The following EYS variants were observed in gnomAD, a reference collection of about 807,000 sequenced individuals.
EYS encodes EGF-like photoreceptor maintenance factor, also known as protein eyes shut homolog.
A neutral mutation model predicts 282.1 loss-of-function variants in EYS; 250 were observed. That is an observed-to-expected ratio of 0.89 (90% confidence interval 0.80 to 0.98). EYS has a LOEUF of 0.98. Among genes scored for constraint, EYS ranks in the 50% least tolerant of loss-of-function variants. The pLI, the probability that EYS is intolerant of heterozygous loss-of-function variation, is 0.00. For synonymous variants in EYS, 1,355 were observed against 1,282.9 expected, an observed-to-expected ratio of 1.06 and a Z score of -1.20; for missense variants, 4,016 against 3,709.0, an observed-to-expected ratio of 1.08 and a Z score of -2.15.
chr6:64,952,644 A>C (rs1769551663), intron 14 of EYS, among the ~76,000 whole-genome samples: 1 of 152,036 alleles, frequency 6.6e-6, no homozygotes, highest in African/African-American at 2.4e-5. Flanking sequence ...GCAAATGTCA[A>C]AACAAGTGCC....
At chr6:65,315,993 G>C (rs1053143512) in intron 11 of EYS, among the ~76,000 whole-genome samples, 7 of 151,948 alleles carry the variant, frequency 4.6e-5, no homozygotes, top group Non-Finnish European at 1.0e-4. Flanking sequence ...GTTTTAATTT[G>C]CATTTCTCTG....
intron 13 of EYS, among the ~76,000 whole-genome samples, chr6:65,052,107 G>T (rs1773287835): frequency 1.3e-5 from 2 of 151,360 alleles, no homozygotes; most frequent in Admixed American, 1.3e-4. Flanking sequence ...TTGGGTAAGG[G>T]TTGCCTTATT....
At chr6:65,470,224 T>G (rs1292882269) in intron 5 of EYS, among the ~76,000 whole-genome samples, 1 of 152,140 alleles carries the variant, frequency 6.6e-6, no homozygotes, top group Non-Finnish European at 1.5e-5. Context: ...AGGTATAGAC[T>G]TAAGAAATTT....
chr6:64,823,082 T>C (rs1332900793), intron 19 of EYS, among the ~76,000 whole-genome samples: 3 of 151,940 alleles, frequency 2.0e-5, no homozygotes, highest in Non-Finnish European at 4.4e-5. Context: ...GTGATGTTTG[T>C]TGAGAATATT....
chr6:65,179,739 C>A (rs1223232069), intron 12 of EYS, among the ~76,000 whole-genome samples: 1 of 151,968 alleles, frequency 6.6e-6, no homozygotes, highest in Non-Finnish European at 1.5e-5. Context: ...CAAAGCCTGG[C>A]AGAGACACAA....
At chr6:65,607,873 A>G (rs1286100387) in intron 2 of EYS, among the ~76,000 whole-genome samples, 1 of 152,008 alleles carries the variant, frequency 6.6e-6, no homozygotes, top group Non-Finnish European at 1.5e-5. Context: ...TTATGTGTCA[A>G]TCTCTGCAGA....
At chr6:64,546,647 C>T (rs1485517282) in intron 26 of EYS, among the ~76,000 whole-genome samples, 11 of 152,204 alleles carry the variant, frequency 7.2e-5, no homozygotes, top group Admixed American at 2.0e-4. Context: ...ATATCCAGAA[C>T]CTACAATGAA....
chr6:64,677,627 T>C (rs1448015902), intron 22 of EYS, among the ~76,000 whole-genome samples: 3 of 152,190 alleles, frequency 2.0e-5, no homozygotes, highest in Admixed American at 6.5e-5. Flanking sequence ...TTAGAAAATA[T>C]GCAGTGAATG....
At chr6:65,025,429 C>T (rs924125499) in intron 13 of EYS, among the ~76,000 whole-genome samples, 1 of 152,114 alleles carries the variant, frequency 6.6e-6, no homozygotes, top group African/African-American at 2.4e-5. Flanking sequence ...TTGAGATATG[C>T]TAAATGTTTA....
intron 26 of EYS, among the ~76,000 whole-genome samples, chr6:64,571,661 T>C (rs1765729371): frequency 2.0e-5 from 3 of 151,970 alleles, no homozygotes; most frequent in Admixed American, 2.0e-4. Context: ...TCTATGCAAA[T>C]AAACTATAAA....
chr6:64,169,431 GT>G (rs35657029), intron 31 of EYS, among the ~76,000 whole-genome samples: 118,572 of 141,106 alleles, frequency 0.84, 52,360 homozygotes, highest in Non-Finnish European at 0.97. Flanking sequence ...TTGAGGAGGA[GT>G]TTTTTTTTTT....
At chr6:64,503,733 A>G (rs1189984225) in intron 26 of EYS, among the ~76,000 whole-genome samples, 1 of 152,100 alleles carries the variant, frequency 6.6e-6, no homozygotes, top group Admixed American at 6.5e-5. Flanking sequence ...AATATTTAAG[A>G]GAGGAAGTTG....
At chr6:63,916,235 C>T (rs2149740857) in intron 35 of EYS, among the ~76,000 whole-genome samples, 1 of 152,332 alleles carries the variant, frequency 6.6e-6, no homozygotes, top group African/African-American at 2.4e-5. Context: ...GATGACAACA[C>T]ACTGAAGGCT....
At chr6:63,966,759 T>C (rs181957290) in intron 35 of EYS, among the ~76,000 whole-genome samples, 303 of 152,284 alleles carry the variant, frequency 2.0e-3, no homozygotes, top group Middle Eastern at 0.01. Context: ...TTACAAGGAT[T>C]AACTGAGATA....
chr6:65,607,523 A>G (rs1765839265), intron 2 of EYS, among the ~76,000 whole-genome samples: 1 of 151,920 alleles, frequency 6.6e-6, no homozygotes, highest in Non-Finnish European at 1.5e-5. Flanking sequence ...TTTTTATAAG[A>G]GTCGCCCTAT....
chr6:65,213,037 T>C (rs1032735370), intron 12 of EYS, among the ~76,000 whole-genome samples: 1 of 152,192 alleles, frequency 6.6e-6, no homozygotes, highest in Non-Finnish European at 1.5e-5. Flanking sequence ...CTTTATTTTT[T>C]TTTCCTTTGA....
intron 12 of EYS, among the ~76,000 whole-genome samples, chr6:65,091,277 A>G (rs1183624806): frequency 6.8e-6 from 1 of 147,730 alleles, no homozygotes; most frequent in Admixed American, 6.7e-5. Context: ...CCCCTAAAAA[A>G]AAAAAAAAAA....
At chr6:64,499,050 T>C (rs1237364229) in intron 26 of EYS, among the ~76,000 whole-genome samples, 1 of 152,130 alleles carries the variant, frequency 6.6e-6, no homozygotes, top group Non-Finnish European at 1.5e-5. Context: ...GTCTTCCACA[T>C]TGGTTGAACT....
chr6:64,205,089 T>A (rs1765576057), intron 31 of EYS, among the ~76,000 whole-genome samples: 1 of 152,154 alleles, frequency 6.6e-6, no homozygotes, highest in South Asian at 2.1e-4. Context: ...TGTCATAAAG[T>A]GTAGAGAAAA....
Sources: gnomAD v4.1 joint callset for allele counts (sites outside exome capture counted in the v4.1 genomes callset) on GRCh38, gnomAD v4.1.1 for gene constraint, MANE v1.5 for transcripts, NCBI Gene and HGNC (gene_info 2026-07-23, HGNC 2026-07-21) for gene names.